Variants in PALS2 observed in about 807,000 individuals in gnomAD.
PALS2 encodes the protein protein PALS2.
A neutral mutation model predicts 61.6 loss-of-function variants in PALS2; 27 were observed. The ratio of observed to expected loss-of-function variants is 0.44; its 90% CI spans 0.32 to 0.60. The LOEUF (loss-of-function observed/expected upper bound fraction) is 0.60. Among genes scored for constraint, PALS2 ranks in the 20% least tolerant of loss-of-function variants. PALS2 has a pLI of 0.05. For synonymous variants in PALS2, 236 were observed against 218.6 expected, an observed-to-expected ratio of 1.08 and a Z score of -0.70; for missense variants, 554 against 639.4, an observed-to-expected ratio of 0.87 and a Z score of 1.44.
chr7:24,661,406 T>A (rs1786713806), intron 5 of PALS2, among the ~76,000 whole-genome samples: 1 of 152,174 alleles, frequency 6.6e-6, no homozygotes. Flanking sequence ...GATAATGGCA[T>A]TTCCATAACA....
rs1788280477 is a variant in PALS2, at chr7:24,687,709, T to G, written c.*95T>G. 1 of 1,273,130 alleles carries G rather than the reference T, an allele frequency of 7.9e-7. No homozygotes were observed. Among genetic ancestry groups the G allele is most frequent in the Non-Finnish European group, 1.1e-6 (1 of 936,578 alleles). The allele number at this position is 1,273,130 out of a possible 1,614,324, so 78.9% of individuals were successfully genotyped here. A position where few individuals can be genotyped will look rare whatever the true frequency, so the allele number is the denominator to read the frequency against. ...AGAAAATACATCACAGATAGAAGATTATCTGCTAAGTCCAGGCATTTTTAT... is the reference window on the plus strand; with the variant it reads ...AGAAAATACATCACAGATAGAAGATGATCTGCTAAGTCCAGGCATTTTTAT... On this transcript the variant is annotated 3_prime_UTR_variant, in exon 12 of 12. Coordinates refer to ENST00000222644, the MANE Select transcript of PALS2 (RefSeq NM_001303037.2). This position sits in a 1 kb window ranked among gnomAD's most constrained non-coding sequence, Gnocchi z 4.5.
intron 1 of PALS2, among the ~76,000 whole-genome samples, chr7:24,588,056 G>T (rs1220557304): frequency 6.6e-6 from 1 of 152,142 alleles, no homozygotes; most frequent in Non-Finnish European, 1.5e-5. Flanking sequence ...AGTGGGTAGA[G>T]GCCAGGGTTG....
chr7:24,577,843 A>G lies in PALS2; in HGVS notation c.-3+4250A>G, dbSNP rs570385050. The stretch of plus-strand genomic sequence containing the variant: ...ACCTTTTTTACTTAAAAATTTCTTC[A>G]AACCATTTATCAGTATCTGAAATTA... On this transcript the variant is annotated intron_variant, in intron 1 of 11. Transcript: ENST00000222644. Among the ~76,000 whole-genome samples, 14 of 152,282 alleles carry G rather than the reference A, an allele frequency of 9.2e-5. 1 individual carries two copies. In the South Asian group the frequency reaches 2.9e-3, roughly 32 times the overall value.
intron 5 of PALS2, among the ~76,000 whole-genome samples, chr7:24,657,454 T>C (rs1400273041): frequency 2.0e-5 from 3 of 152,224 alleles, no homozygotes; most frequent in African/African-American, 7.2e-5. Flanking sequence ...TGCATTTTCC[T>C]AATAACTAAT....
At chr7:24,589,478 C>T (rs751219707) in intron 1 of PALS2, 1 of 152,134 alleles carries the variant, frequency 6.6e-6, no homozygotes, top group Non-Finnish European at 1.5e-5. Context: ...TGCACACAAC[C>T]AGCATTAGTA....
At chr7:24,579,974 G>A (rs1000751110) in intron 1 of PALS2, among the ~76,000 whole-genome samples, 2 of 152,032 alleles carry the variant, frequency 1.3e-5, no homozygotes, top group African/African-American at 4.8e-5. Flanking sequence ...GAGATATGTG[G>A]GACTTTTAAA....
At position 24,652,624 on chromosome 7, in the gene PALS2, C is replaced by A. The variant is rs118142092; in HGVS notation, c.651+1912C>A. Among the ~76,000 whole-genome samples the A allele has an allele frequency of 3.0e-4, 45 of 151,882 alleles. 1 individual carries two copies. The East Asian group carries it at 8.7e-3, about 29-fold the overall frequency. On this transcript the variant is annotated intron_variant, in intron 5 of 11. Transcript: ENST00000222644. ...TTTAAATGAAAAGGGGAACATTACT[C>A]ATATGCTGGAATAATAGGCATAAAC...
At chr7:24,615,602 A>G (rs1263302334) in intron 1 of PALS2, among the ~76,000 whole-genome samples, 1 of 151,992 alleles carries the variant, frequency 6.6e-6, no homozygotes, top group Non-Finnish European at 1.5e-5. Context: ...AATAAAAAAA[A>G]AGACTCCCAA....
intron 9 of PALS2, among the ~76,000 whole-genome samples, chr7:24,676,507 A>C (rs532496263): frequency 1.3e-5 from 2 of 152,132 alleles, no homozygotes; most frequent in African/African-American, 4.8e-5. Context: ...TTATGGTTTT[A>C]GGTCTAACGT....
Position 24,687,804 on chromosome 7 carries a change from A to G in PALS2, c.*190A>G, listed in dbSNP as rs1196969376. 2 of 440,244 alleles carry G rather than the reference A, an allele frequency of 4.5e-6. No individual in the cohort carries two copies. Among genetic ancestry groups the G allele is most frequent in the Non-Finnish European group, 7.6e-6 (2 of 262,398 alleles). 27.3% of individuals were successfully genotyped at this position (440,244 alleles called of 1,614,324 possible). ...ATGTGGTTGGAAGGTGTACTAATAT[A>G]TAATTTATCTTAATTTTTCTAACTT... On this transcript the variant is annotated 3_prime_UTR_variant, in exon 12 of 12. Transcript: ENST00000222644. This position sits in a 1 kb window ranked among gnomAD's most constrained non-coding sequence, Gnocchi z 4.5.
intron 2 of PALS2, among the ~76,000 whole-genome samples, chr7:24,638,533 G>A (rs939938171): frequency 9.9e-5 from 5 of 50,364 alleles, no homozygotes; most frequent in Admixed American, 5.3e-4. Context: ...GGGTTTCACC[G>A]TTTTAGCCGG....
chr7:24,685,656 T>G (rs73079937), intron 11 of PALS2, among the ~76,000 whole-genome samples: 7 of 147,562 alleles, frequency 4.7e-5, no homozygotes, highest in Admixed American at 6.7e-5. Flanking sequence ...GGTTTTTTTT[T>G]TTTTTTTTTT....
intron 1 of PALS2, among the ~76,000 whole-genome samples, chr7:24,580,374 A>G (rs1413173596): frequency 6.6e-6 from 1 of 152,162 alleles, no homozygotes; most frequent in Non-Finnish European, 1.5e-5. Context: ...GTGTAAAATA[A>G]TACATCCTGT....
intron 5 of PALS2, among the ~76,000 whole-genome samples, chr7:24,656,886 A>T (rs1337130386): frequency 6.6e-6 from 1 of 151,578 alleles, no homozygotes; most frequent in Admixed American, 6.6e-5. Flanking sequence ...CTTTCTCTCT[A>T]CCACCCCTGA....
At chr7:24,604,757 C>T (rs973042511) in intron 1 of PALS2, among the ~76,000 whole-genome samples, 2 of 152,216 alleles carry the variant, frequency 1.3e-5, no homozygotes, top group African/African-American at 2.4e-5. Context: ...CCCTCATGAC[C>T]TAGTCTAACC....
chr7:24,634,037 C>A (rs1014333778), intron 2 of PALS2, among the ~76,000 whole-genome samples: 1 of 152,046 alleles, frequency 6.6e-6, no homozygotes, highest in African/African-American at 2.4e-5. Context: ...GGAGAAATAT[C>A]TGTTTAGATT....
At chr7:24,614,572 C>T (rs1279056988) in intron 1 of PALS2, among the ~76,000 whole-genome samples, 1 of 151,796 alleles carries the variant, frequency 6.6e-6, no homozygotes, top group Admixed American at 6.6e-5. Flanking sequence ...GCACACAACC[C>T]TGGAGCACCA....
intron 9 of PALS2, among the ~76,000 whole-genome samples, chr7:24,673,098 T>TTAA (rs1010666773): frequency 1.3e-5 from 2 of 152,344 alleles, no homozygotes; most frequent in South Asian, 4.1e-4. Flanking sequence ...CTTTGTTGGC[T>TTAA]TTTTACCAAG....
At chr7:24,604,396 G>A (rs1350709376) in intron 1 of PALS2, among the ~76,000 whole-genome samples, 1 of 152,078 alleles carries the variant, frequency 6.6e-6, no homozygotes, top group Non-Finnish European at 1.5e-5. Flanking sequence ...ACAGATTTAA[G>A]ATGGCAGAGA....
Sources: gnomAD v4.1 joint callset for allele counts (sites outside exome capture counted in the v4.1 genomes callset) on GRCh38, gnomAD v4.1.1 for gene constraint, Gnocchi (gnomAD v3.1) non-coding constraint, MANE v1.5 for transcripts, NCBI Gene and HGNC (gene_info 2026-07-23, HGNC 2026-07-21) for gene names.